The following GOLGA7B variants were observed in gnomAD, a reference collection of about 807,000 sequenced individuals.
GOLGA7B encodes golgin subfamily A member 7B.
Under a neutral mutation model 21.5 loss-of-function variants are expected in GOLGA7B, and 17 were observed. That is an observed-to-expected ratio of 0.79 (90% CI 0.54 to 1.19). GOLGA7B has a LOEUF of 1.19. Ranked by LOEUF, GOLGA7B falls within the 50% of genes most tolerant of loss-of-function variation. The probability of loss-of-function intolerance (pLI) is 0.00; values close to 1 mark genes in which losing one functional copy is unlikely to be tolerated. For synonymous variants in GOLGA7B, 87 were observed against 84.0 expected (o/e 1.04, Z -0.19); for missense variants, 169 against 224.4 (o/e 0.75, Z 1.58).
chr10:97,869,897 A>C lies in GOLGA7B; in HGVS notation c.*4197A>C, dbSNP rs559181348. The C allele has an allele frequency of 6.6e-6, 1 of 152,426 alleles. No homozygotes were observed. The highest frequency in any genetic ancestry group is 2.4e-5 in the African/African-American group (1 of 41,588). The allele number at this position is 152,426 out of a possible 1,614,324, so 9.4% of individuals were successfully genotyped here. A position where few individuals can be genotyped will look rare whatever the true frequency, so the allele number is the denominator to read the frequency against. On this transcript the variant is annotated 3_prime_UTR_variant, in exon 5 of 5. Transcript: ENST00000370602. ...AATGAGGGGGGCCCAGACAGGAGGC[A>C]TCACCACCTGGTTTGGGCTTTACCA...
intron 1 of GOLGA7B, among the ~76,000 whole-genome samples, chr10:97,853,707 A>T (rs2049918332): frequency 6.6e-6 from 1 of 152,156 alleles, no homozygotes. Context: ...CCTGGGAGAC[A>T]CCCAGGGGAA....
At chr10:97,861,799 G>A (rs774026676) in intron 2 of GOLGA7B, among the ~76,000 whole-genome samples, 2 of 152,246 alleles carry the variant, frequency 1.3e-5, no homozygotes, top group Admixed American at 6.5e-5. Flanking sequence ...ATCTTAGCAT[G>A]CTTGTCCTTT....
At chr10:97,852,441 C>G (rs1296015863) in intron 1 of GOLGA7B, among the ~76,000 whole-genome samples, 1 of 152,052 alleles carries the variant, frequency 6.6e-6, no homozygotes, top group Non-Finnish European at 1.5e-5. Context: ...CACAATTTGG[C>G]CTTGGGTGGA....
intron 4 of GOLGA7B, 120 bp from the exon 5 acceptor site, chr10:97,865,470 A>G (rs1372197563): frequency 2.3e-5 from 35 of 1,514,450 alleles, no homozygotes; most frequent in Admixed American, 1.4e-4. Flanking sequence ...TTACATCCCT[A>G]CTGTCTAGGC....
chr10:97,859,385 G>T, intron 1 of GOLGA7B, 73 bp from the exon 2 acceptor site: 1 of 1,493,202 alleles, frequency 6.7e-7, no homozygotes, highest in Non-Finnish European at 9.2e-7. Context: ...CTGCATTCTG[G>T]GAAACCCCTG....
intron 1 of GOLGA7B, 59 bp from the exon 2 acceptor site, chr10:97,859,399 T>G (rs2049956413): frequency 1.3e-6 from 2 of 1,572,630 alleles, no homozygotes; most frequent in Admixed American, 1.7e-5. Flanking sequence ...ACCCCTGCAT[T>G]TGGGATATGC....
rs1358043227 is a variant in GOLGA7B, at chr10:97,870,735, T to C, written c.*5035T>C. On this transcript the variant is annotated 3_prime_UTR_variant, in exon 5 of 5. Transcript: ENST00000370602. ...CAGACAACTGCAACTCTATGTTACG[T>C]GTGTGTGTGTGTGTGTGTGTGAAAA... 8.3e-6 allele frequency: 1 copy of C among 120,966 alleles called. No homozygotes were observed. Among genetic ancestry groups the C allele is most frequent in the Non-Finnish European group, 1.6e-5 (1 of 61,556 alleles). The allele number at this position is 120,966 out of a possible 1,614,324, so 7.5% of individuals were successfully genotyped here. A position where few individuals can be genotyped will look rare whatever the true frequency, so the allele number is the denominator to read the frequency against.
intron 2 of GOLGA7B, among the ~76,000 whole-genome samples, 198 bp from the exon 3 acceptor site, chr10:97,863,732 G>A (rs1291337316): frequency 6.6e-6 from 1 of 152,242 alleles, no homozygotes; most frequent in Non-Finnish European, 1.5e-5. Flanking sequence ...TGATGGCCAA[G>A]TCTGGACTGG....
At chr10:97,857,918 C>G (rs968980555) in intron 1 of GOLGA7B, among the ~76,000 whole-genome samples, 1 of 152,290 alleles carries the variant, frequency 6.6e-6, no homozygotes, top group Admixed American at 6.5e-5. Flanking sequence ...AAGTATCTGT[C>G]ATCCTAAATC....
intron 1 of GOLGA7B, among the ~76,000 whole-genome samples, chr10:97,857,423 AAG>A (rs1441523780): frequency 5.3e-5 from 8 of 151,728 alleles, no homozygotes; most frequent in African/African-American, 1.9e-4. Flanking sequence ...AAGGAAATGA[AAG>A]ATCTCTATGA....
chr10:97,852,134 T>G (rs973700402), intron 1 of GOLGA7B, among the ~76,000 whole-genome samples: 2 of 152,236 alleles, frequency 1.3e-5, no homozygotes, highest in African/African-American at 4.8e-5. Flanking sequence ...TGAGACTTAT[T>G]CAGGAAAATA....
rs1354956677 is a variant in GOLGA7B, at chr10:97,859,433, A to C, written c.13-25A>C. On this transcript the variant is annotated intron_variant, in intron 1 of 4. Coordinates refer to ENST00000370602, the MANE Select transcript of GOLGA7B (RefSeq NM_001010917.3). Reference sequence around the variant, plus strand: ...GCCGAGATGGATGGTCACTCTCAGCACATGCCGCCCGCACGTCTCCTCAGG... The same window carrying C: ...GCCGAGATGGATGGTCACTCTCAGCCCATGCCGCCCGCACGTCTCCTCAGG... The C allele has an allele frequency of 2.5e-6, 4 of 1,612,986 alleles. No individual in the cohort carries two copies. In the South Asian group the frequency reaches 4.4e-5, roughly 18 times the overall value.
chr10:97,850,374 A>C, intron 1 of GOLGA7B, 59 bp downstream of exon 1: 2 of 1,387,292 alleles, frequency 1.4e-6, no homozygotes, highest in Non-Finnish European at 9.8e-7. Context: ...CAAATGCCCT[A>C]GGGGTGGGCT....
At chr10:97,862,290 G>T (rs958562367) in intron 2 of GOLGA7B, among the ~76,000 whole-genome samples, 1 of 152,194 alleles carries the variant, frequency 6.6e-6, no homozygotes, top group Non-Finnish European at 1.5e-5. Flanking sequence ...AGCAAATACA[G>T]TTGACCCTTG....
At chr10:97,852,380 C>T (rs748471021) in intron 1 of GOLGA7B, among the ~76,000 whole-genome samples, 1 of 152,040 alleles carries the variant, frequency 6.6e-6, no homozygotes, top group African/African-American at 2.4e-5. Flanking sequence ...GGCAGAGGGA[C>T]AGAGGAAAGT....
Position 97,865,996 on chromosome 10 carries a change from C to T in GOLGA7B, c.*296C>T. On this transcript the variant is annotated 3_prime_UTR_variant, in exon 5 of 5. Transcript: ENST00000370602. ...CCTAGGAAGGCTGGGGTGGGGAGAA[C>T]ACAACCTAGGCGGCCCCTCTCTTCC... 2.4e-6 allele frequency: 1 copy of T among 423,132 alleles called. No homozygotes were observed. 26.2% of individuals were successfully genotyped at this position (423,132 alleles called of 1,614,324 possible). A position where few individuals can be genotyped will look rare whatever the true frequency, so the allele number is the denominator to read the frequency against.
intron 1 of GOLGA7B, among the ~76,000 whole-genome samples, chr10:97,853,042 G>T (rs2049913481): frequency 1.3e-5 from 2 of 152,210 alleles, no homozygotes; most frequent in African/African-American, 4.8e-5. Context: ...GTCTCTAAGA[G>T]ATTTTTAAAT....
chr10:97,852,684 GAGA>G (rs2049911557), intron 1 of GOLGA7B, among the ~76,000 whole-genome samples: 1 of 151,560 alleles, frequency 6.6e-6, no homozygotes, highest in Non-Finnish European at 1.5e-5. Flanking sequence ...GCTGTATTGA[GAGA>G]AGGAGAGAGG....
intron 1 of GOLGA7B, among the ~76,000 whole-genome samples, chr10:97,856,695 T>C (rs1195466257): frequency 6.6e-6 from 1 of 152,228 alleles, no homozygotes. Context: ...TAATTTACAT[T>C]TCCACCCACA....
Sources: allele counts gnomAD v4.1 joint callset (sites outside exome capture counted in the v4.1 genomes callset), GRCh38; gene constraint gnomAD v4.1.1; transcripts MANE v1.5; gene names NCBI Gene and HGNC (gene_info 2026-07-23, HGNC 2026-07-21).